The following ADAMTS12 variants were observed in gnomAD, a reference collection of about 807,000 sequenced individuals.
ADAMTS12 encodes the protein A disintegrin and metalloproteinase with thrombospondin motifs 12.
A neutral mutation model predicts 167.8 loss-of-function variants in ADAMTS12; 118 were observed. The ratio of observed to expected loss-of-function variants is 0.70; its 90% CI spans 0.61 to 0.82. The LOEUF is 0.82. Among genes scored for constraint, ADAMTS12 ranks in the 40% least tolerant of loss-of-function variants. The probability of loss-of-function intolerance (pLI) is 0.00; values close to 1 mark genes in which losing one functional copy is unlikely to be tolerated. For synonymous variants in ADAMTS12, 704 were observed against 716.9 expected, an observed-to-expected ratio of 0.98 and a Z score of 0.29; for missense variants, 1,916 against 1,998.8, an observed-to-expected ratio of 0.96 and a Z score of 0.79.
intron 3 of ADAMTS12, among the ~76,000 whole-genome samples, chr5:33,697,105 T>A (rs1194356055): frequency 2.0e-5 from 3 of 152,230 alleles, no homozygotes; most frequent in African/African-American, 7.2e-5. Flanking sequence ...TCTGGAATGT[T>A]CTCTTCTCAA....
intron 2 of ADAMTS12, among the ~76,000 whole-genome samples, chr5:33,773,236 C>T (rs533049333): frequency 2.6e-5 from 4 of 152,186 alleles, no homozygotes; most frequent in Non-Finnish European, 4.4e-5. Flanking sequence ...GGACACTCCT[C>T]AATATCAGTC....
At chr5:33,827,601 T>A (rs1748128931) in intron 2 of ADAMTS12, among the ~76,000 whole-genome samples, 1 of 151,848 alleles carries the variant, frequency 6.6e-6, no homozygotes, top group Non-Finnish European at 1.5e-5. Context: ...TATCCCCACT[T>A]CCCTGTCTTA....
intron 16 of ADAMTS12, 102 bp from the exon 17 acceptor site, chr5:33,596,162 A>G: frequency 6.9e-7 from 1 of 1,444,694 alleles, no homozygotes; most frequent in Non-Finnish European, 9.3e-7. Flanking sequence ...CTGACGGCTG[A>G]TGGGAAAGTT....
chr5:33,576,712 T>A lies in ADAMTS12; in HGVS notation c.3314A>T (p.Asn1105Ile). The A allele has an allele frequency of 1.2e-6, 2 of 1,614,126 alleles. No homozygotes were observed. Among genetic ancestry groups the A allele is most frequent in the Non-Finnish European group, 1.7e-6 (2 of 1,180,020 alleles). ...AGGACCAGTATCTGAACTGGAAACATTTTCCTCACTTGGCTGAATGCTCAA... is the reference window on the plus strand; with the variant it reads ...AGGACCAGTATCTGAACTGGAAACAATTTCCTCACTTGGCTGAATGCTCAA... Reference protein sequence around the residue: ...QSLSIQPSEENVSSSDTGPTS... With the variant: ...QSLSIQPSEEIVSSSDTGPTS... Residue 1105 changes from asparagine to isoleucine, a missense_variant, in exon 19 of 24, where the codon AAT becomes ATT. Transcript: ENST00000504830.
At chr5:33,799,445 G>A (rs1027223327) in intron 2 of ADAMTS12, among the ~76,000 whole-genome samples, 1 of 152,126 alleles carries the variant, frequency 6.6e-6, no homozygotes, top group Non-Finnish European at 1.5e-5. Context: ...TTGCTGGGCA[G>A]AGTCTTTCCC....
chr5:33,541,744 T>C (rs1022087103), intron 22 of ADAMTS12, among the ~76,000 whole-genome samples: 2 of 152,180 alleles, frequency 1.3e-5, no homozygotes, highest in East Asian at 1.9e-4. Context: ...CTAAGCTTCA[T>C]AAGTGAAGGA....
chr5:33,879,725 T>A (rs753823328), intron 2 of ADAMTS12, among the ~76,000 whole-genome samples: 7 of 152,174 alleles, frequency 4.6e-5, no homozygotes, highest in African/African-American at 1.7e-4. Context: ...AAGCAATTCA[T>A]CCCCAGAGGT....
chr5:33,699,251 T>C (rs1295666149), intron 3 of ADAMTS12, among the ~76,000 whole-genome samples: 2 of 151,916 alleles, frequency 1.3e-5, no homozygotes, highest in African/African-American at 2.4e-5. Context: ...AACTCAGAAA[T>C]AGACCCACAC....
In ADAMTS12 at chr5:33,616,500, C is replaced by G. The variant is rs546030131; in HGVS notation, c.2144-428G>C. ...ATTGGATACATACTTTTCCTCACCC[C>G]CCTTGCCAGCAGGTTAAAGACAGAC... is the stretch of plus-strand genomic sequence containing the variant. On this transcript the variant is annotated intron_variant, in intron 14 of 23. Coordinates refer to ENST00000504830, the MANE Select transcript of ADAMTS12 (RefSeq NM_030955.4). Among the ~76,000 whole-genome samples the G allele has an allele frequency of 3.3e-4, 51 of 152,284 alleles. No homozygotes were observed. In the South Asian group the frequency reaches 7.0e-3, roughly 21 times the overall value.
intron 2 of ADAMTS12, among the ~76,000 whole-genome samples, chr5:33,765,898 T>C (rs1363762753): frequency 6.6e-6 from 1 of 152,210 alleles, no homozygotes; most frequent in Non-Finnish European, 1.5e-5. Flanking sequence ...GATTAAGTGC[T>C]CACTGTCTTG....
intron 3 of ADAMTS12, among the ~76,000 whole-genome samples, chr5:33,716,656 T>C (rs1030157648): frequency 2.0e-5 from 3 of 152,216 alleles, no homozygotes; most frequent in Admixed American, 2.0e-4. Context: ...TTGTGTTTTT[T>C]ATTTATTGAA....
chr5:33,581,342 G>A (rs1747054485), intron 18 of ADAMTS12, among the ~76,000 whole-genome samples: 1 of 152,136 alleles, frequency 6.6e-6, no homozygotes, highest in Non-Finnish European at 1.5e-5. Context: ...CTCTTTGGGA[G>A]TCATTTTGCC....
intron 2 of ADAMTS12, among the ~76,000 whole-genome samples, chr5:33,816,051 C>T (rs2112494643): frequency 6.6e-6 from 1 of 152,252 alleles, no homozygotes; most frequent in South Asian, 2.1e-4. Context: ...TCTGGTCCTG[C>T]CATAGTGACT....
intron 6 of ADAMTS12, 97 bp downstream of exon 6, chr5:33,661,819 T>C (rs1484750936): frequency 1.3e-6 from 2 of 1,521,694 alleles, no homozygotes; most frequent in Non-Finnish European, 1.8e-6. Context: ...CAGCAAAGAA[T>C]AGTGAGAATG....
At chr5:33,691,741 C>T (rs943728883) in intron 3 of ADAMTS12, among the ~76,000 whole-genome samples, 4 of 152,282 alleles carry the variant, frequency 2.6e-5, no homozygotes, top group Non-Finnish European at 4.4e-5. Flanking sequence ...GCTGGAACTC[C>T]GTGTCTACCT....
At chr5:33,771,145 T>C (rs565435614) in intron 2 of ADAMTS12, among the ~76,000 whole-genome samples, 1 of 152,334 alleles carries the variant, frequency 6.6e-6, no homozygotes, top group South Asian at 2.1e-4. Context: ...CAATCCTATA[T>C]CTATTAAATA....
chr5:33,873,155 C>A, intron 2 of ADAMTS12, among the ~76,000 whole-genome samples: 1 of 142,994 alleles, frequency 7.0e-6, no homozygotes, highest in African/African-American at 2.6e-5. Flanking sequence ...GACGTGAATG[C>A]TATGTAGATT....
chr5:33,712,665 G>A (rs1427923084), intron 3 of ADAMTS12, among the ~76,000 whole-genome samples: 2 of 152,110 alleles, frequency 1.3e-5, no homozygotes, highest in Non-Finnish European at 2.9e-5. Flanking sequence ...CACTGACATA[G>A]GTGAGAAGCT....
chr5:33,644,040 C>T (rs1314650889), intron 9 of ADAMTS12, among the ~76,000 whole-genome samples: 1 of 152,190 alleles, frequency 6.6e-6, no homozygotes, highest in Non-Finnish European at 1.5e-5. Flanking sequence ...TCTCAGATGC[C>T]ATCTGAAATG....
Sources: gnomAD v4.1 joint callset for allele counts (sites outside exome capture counted in the v4.1 genomes callset) on GRCh38, gnomAD v4.1.1 for gene constraint, MANE v1.5 for transcripts, NCBI Gene and HGNC (gene_info 2026-07-23, HGNC 2026-07-21) for gene names.